The following SEC24B variants were observed in gnomAD, a reference collection of about 807,000 sequenced individuals.
SEC24B encodes protein transport protein Sec24B.
SEC24B carries 45 observed loss-of-function variants against 142.8 expected under a neutral mutation model. The observed-to-expected ratio is 0.32, with a 90% confidence interval of 0.25 to 0.40. SEC24B has a LOEUF of 0.40. Ranked by LOEUF, SEC24B falls within the 10% of genes least tolerant of loss-of-function variation. The pLI is 1.00. For synonymous variants in SEC24B, 574 were observed against 568.2 expected (o/e 1.01, Z -0.15); for missense variants, 1,409 against 1,526.8 (o/e 0.92, Z 1.29).
Position 109,434,020 on chromosome 4 carries a change from G to A in SEC24B, c.133+18G>A, listed in dbSNP as rs553890452. The A allele has an allele frequency of 6.3e-6, 7 of 1,118,674 alleles. No individual in the cohort carries two copies. In the African/African-American group the frequency reaches 1.2e-4, roughly 19 times the overall value. The allele number at this position is 1,118,674 out of a possible 1,614,324, so 69.3% of individuals were successfully genotyped here. A position where few individuals can be genotyped will look rare whatever the true frequency, so the allele number is the denominator to read the frequency against. ...GCAGAACGGTGAGGCGGGCGGCCCG[G>A]GCGGAGCGCGGGGCCTAGCACCGGC... On this transcript the variant is annotated intron_variant, in intron 1 of 23. Transcript: ENST00000265175.
intron 22 of SEC24B, among the ~76,000 whole-genome samples, chr4:109,535,011 A>C (rs1725360453): frequency 6.6e-6 from 1 of 152,148 alleles, no homozygotes; most frequent in Non-Finnish European, 1.5e-5. Flanking sequence ...AAAATAGTCC[A>C]TTGTATGGAC....
At chr4:109,453,688 C>T (rs944175705) in intron 1 of SEC24B, among the ~76,000 whole-genome samples, 15 of 152,174 alleles carry the variant, frequency 9.9e-5, no homozygotes, top group East Asian at 5.8e-4. Flanking sequence ...GTGCAGTTAA[C>T]GCAGTCATCA....
intron 3 of SEC24B, among the ~76,000 whole-genome samples, chr4:109,475,838 G>C (rs1733058405): frequency 6.6e-6 from 1 of 151,938 alleles, no homozygotes; most frequent in South Asian, 2.1e-4. Context: ...GCTTACACTA[G>C]AAACTCTTTT....
intron 2 of SEC24B, among the ~76,000 whole-genome samples, chr4:109,469,044 C>T (rs190206856): frequency 4.7e-4 from 72 of 152,118 alleles, no homozygotes; most frequent in African/African-American, 1.7e-3. Flanking sequence ...GTAATTGCAG[C>T]GCTTTGGGAG....
chr4:109,535,535 G>A (rs976737753), intron 22 of SEC24B, among the ~76,000 whole-genome samples: 1 of 150,210 alleles, frequency 6.7e-6, no homozygotes, highest in Non-Finnish European at 1.5e-5. Flanking sequence ...CAACCTGGAC[G>A]ACAGAGCAAG....
intron 2 of SEC24B, among the ~76,000 whole-genome samples, chr4:109,471,974 T>C (rs1732569915): frequency 6.6e-6 from 1 of 152,216 alleles, no homozygotes; most frequent in Non-Finnish European, 1.5e-5. Context: ...ATGATGTTTT[T>C]AATCTTCCAC....
chr4:109,448,172 A>C (rs1299755546), intron 1 of SEC24B, among the ~76,000 whole-genome samples: 2 of 152,224 alleles, frequency 1.3e-5, no homozygotes, highest in African/African-American at 4.8e-5. Context: ...CCCCTTTGCC[A>C]GGTAATCTAA....
intron 4 of SEC24B, among the ~76,000 whole-genome samples, chr4:109,490,653 C>T (rs1734928325): frequency 2.0e-5 from 3 of 152,108 alleles, no homozygotes; most frequent in Admixed American, 2.0e-4. Context: ...CACATTTCAT[C>T]ATAAATTGTC....
In SEC24B at chr4:109,527,324, G is replaced by C; in HGVS notation, c.2968G>C (p.Glu990Gln). 6.3e-7 allele frequency: 1 copy of C among 1,590,828 alleles called. No homozygotes were observed. The highest frequency in any genetic ancestry group is 8.6e-7 in the Non-Finnish European group (1 of 1,167,940). The change falls in exon 18 of 24, where the codon GAG becomes CAG. Residue 990 changes from glutamate to glutamine, a missense_variant and splice_region_variant. By Grantham distance (29) the Glu-to-Gln change is conservative. This residue lies in a region of SEC24B where 700 missense variants were observed against 853.3 expected (regional missense o/e 0.82). Coordinates refer to ENST00000265175, the MANE Select transcript of SEC24B (RefSeq NM_006323.5). ...TALLYTSSKG[E>Q]RRIRVHTLCL... Reference sequence around the variant, plus strand: ...ATTTTCAATGACTTTTTTTTTAGGTGAGCGGAGAATTAGAGTACATACACT... The same window carrying C: ...ATTTTCAATGACTTTTTTTTTAGGTCAGCGGAGAATTAGAGTACATACACT...
At chr4:109,512,486 G>A (rs975345880) in intron 9 of SEC24B, among the ~76,000 whole-genome samples, 1 of 151,758 alleles carries the variant, frequency 6.6e-6, no homozygotes, top group African/African-American at 2.4e-5. Flanking sequence ...TCATTTCTTC[G>A]GGTTCCCCTA....
At chr4:109,444,883 C>CT (rs1729290991) in intron 1 of SEC24B, among the ~76,000 whole-genome samples, 1 of 152,102 alleles carries the variant, frequency 6.6e-6, no homozygotes, top group Non-Finnish European at 1.5e-5. Context: ...TCACTTGAAG[C>CT]TAAGAATATA....
chr4:109,484,340 T>G (rs867614194), intron 4 of SEC24B, among the ~76,000 whole-genome samples: 1 of 152,224 alleles, frequency 6.6e-6, no homozygotes, highest in Non-Finnish European at 1.5e-5. Flanking sequence ...CAATGTTGTG[T>G]TCTCAGTGCA....
In SEC24B at chr4:109,441,121, C is replaced by T. The variant is rs532111193; in HGVS notation, c.133+7119C>T. On this transcript the variant is annotated intron_variant, in intron 1 of 23. Transcript: ENST00000265175. ...ACTGAGGAAAAGCAGGATGAAGTAG[C>T]GAGAGGGAGTGGTAAAATCATGTCT... Among the ~76,000 whole-genome samples, 3 of 152,202 alleles carry T rather than the reference C, an allele frequency of 2.0e-5. No individual in the cohort carries two copies. In the South Asian group the frequency reaches 6.2e-4, roughly 32 times the overall value.
intron 4 of SEC24B, among the ~76,000 whole-genome samples, chr4:109,483,955 A>G (rs1024523717): frequency 2.0e-5 from 3 of 152,200 alleles, no homozygotes; most frequent in Non-Finnish European, 2.9e-5. Flanking sequence ...GACATCATGA[A>G]CTTTACCCCT....
At chr4:109,453,451 C>A (rs1255678077) in intron 1 of SEC24B, among the ~76,000 whole-genome samples, 1 of 119,562 alleles carries the variant, frequency 8.4e-6, no homozygotes, top group Non-Finnish European at 1.8e-5. Context: ...CCCCCCCCCC[C>A]CCCCCCCCGA....
At chr4:109,508,277 C>T (rs12643055) in intron 7 of SEC24B, among the ~76,000 whole-genome samples, 46,476 of 152,008 alleles carry the variant, frequency 0.31, 11,797 homozygotes, top group African/African-American at 0.7. Flanking sequence ...GTAAATGTAG[C>T]GTATGGGCCA....
At chr4:109,437,262 G>C (rs1728492821) in intron 1 of SEC24B, among the ~76,000 whole-genome samples, 2 of 152,132 alleles carry the variant, frequency 1.3e-5, no homozygotes, top group Admixed American at 1.3e-4. Flanking sequence ...CAGAATGAGA[G>C]TAGAGTGAAA....
intron 3 of SEC24B, among the ~76,000 whole-genome samples, chr4:109,479,038 C>T (rs1003540359): frequency 3.9e-5 from 6 of 152,144 alleles, no homozygotes; most frequent in East Asian, 1.9e-4. Context: ...TTGATTTATT[C>T]GTGGTATAGC....
At chr4:109,505,791 C>T (rs1736617131) in intron 6 of SEC24B, among the ~76,000 whole-genome samples, 1 of 152,086 alleles carries the variant, frequency 6.6e-6, no homozygotes, top group Admixed American at 6.6e-5. Context: ...TATAAAAGGA[C>T]ACTGGGGCCA....
Sources: gnomAD v4.1 joint callset for allele counts (sites outside exome capture counted in the v4.1 genomes callset) on GRCh38, gnomAD v4.1.1 for gene constraint, gnomAD v4.1.1 regional missense constraint, MANE v1.5 for transcripts, NCBI Gene and HGNC (gene_info 2026-07-23, HGNC 2026-07-21) for gene names.